Variants in FBXO4 observed in about 807,000 individuals in gnomAD.
FBXO4 encodes the protein F-box protein 4, also known as F-box only protein 4.
A neutral mutation model predicts 43.7 loss-of-function variants in FBXO4; 36 were observed. That is an observed-to-expected ratio of 0.82 (90% confidence interval 0.63 to 1.09). FBXO4 has a LOEUF of 1.09. FBXO4 is among the 50% of genes least tolerant of loss of function. The probability of loss-of-function intolerance (pLI) is 0.00; values close to 1 mark genes in which losing one functional copy is unlikely to be tolerated. For missense variants in FBXO4, 435 were observed against 474.1 expected, an observed-to-expected ratio of 0.92 and a Z score of 0.77; for synonymous variants, 180 against 165.6, an observed-to-expected ratio of 1.09 and a Z score of -0.67.
the FBXO4 span, among the ~76,000 whole-genome samples, chr5:41,994,492 A>G: frequency 6.6e-6 from 1 of 151,894 alleles, no homozygotes; most frequent in Non-Finnish European, 1.5e-5. Flanking sequence ...TTTTTTCCTG[A>G]TGGAGTGACC....
At chr5:41,982,730 T>C in the FBXO4 span, among the ~76,000 whole-genome samples, 1 of 152,146 alleles carries the variant, frequency 6.6e-6, no homozygotes, top group Non-Finnish European at 1.5e-5. Context: ...TTATTATTAT[T>C]ATTATACTTT....
At chr5:41,989,798 C>T in the FBXO4 span, among the ~76,000 whole-genome samples, 3 of 152,140 alleles carry the variant, frequency 2.0e-5, no homozygotes, top group South Asian at 2.1e-4. Flanking sequence ...AAACATTCCA[C>T]CTTAGATTCA....
intron 1 of FBXO4, 59 bp from the exon 2 acceptor site, chr5:41,926,954 T>C: frequency 9.7e-7 from 1 of 1,031,274 alleles, no homozygotes; most frequent in Non-Finnish European, 1.4e-6. Flanking sequence ...ATGTGGTTTA[T>C]CACCCAAAAA....
chr5:41,930,087 A>T (rs192515595), intron 3 of FBXO4, 170 bp downstream of exon 3: 2 of 558,386 alleles, frequency 3.6e-6, no homozygotes, highest in East Asian at 5.9e-5. Context: ...TTTACTTACT[A>T]TAAGAAAGCT....
At chr5:42,001,429 G>T in the FBXO4 span, among the ~76,000 whole-genome samples, 1 of 152,056 alleles carries the variant, frequency 6.6e-6, no homozygotes, top group Admixed American at 6.5e-5. Context: ...ACGGGGTTTC[G>T]CCATGTTGGC....
chr5:42,024,980 T>G, the FBXO4 span, among the ~76,000 whole-genome samples: 1 of 152,120 alleles, frequency 6.6e-6, no homozygotes, highest in Non-Finnish European at 1.5e-5. Flanking sequence ...CTTCCAAATC[T>G]TAGCTATTGT....
chr5:42,018,219 A>G, the FBXO4 span, among the ~76,000 whole-genome samples: 3 of 151,124 alleles, frequency 2.0e-5, no homozygotes, highest in East Asian at 5.8e-4. Context: ...TTCTCCCATG[A>G]TAAACTCTAG....
At chr5:41,976,616 A>C in the FBXO4 span, among the ~76,000 whole-genome samples, 2 of 152,186 alleles carry the variant, frequency 1.3e-5, no homozygotes, top group East Asian at 3.8e-4. Flanking sequence ...CACTGGTGCA[A>C]GGTGTGGGTT....
the FBXO4 span, among the ~76,000 whole-genome samples, chr5:42,018,102 A>G: frequency 6.6e-6 from 1 of 150,444 alleles, no homozygotes; most frequent in Non-Finnish European, 1.5e-5. Flanking sequence ...GATAAAAAGG[A>G]ACATAATGAA....
At chr5:41,965,375 T>C in the FBXO4 span, among the ~76,000 whole-genome samples, 4 of 152,210 alleles carry the variant, frequency 2.6e-5, no homozygotes, top group African/African-American at 9.7e-5. Context: ...GGGCTCTTTT[T>C]TGGTTCCATA....
chr5:42,032,824 A>G, the FBXO4 span, among the ~76,000 whole-genome samples: 4 of 152,168 alleles, frequency 2.6e-5, no homozygotes, highest in African/African-American at 9.7e-5. Context: ...TAGCCACTAC[A>G]GCTGGCACTG....
chr5:41,936,340 C>A (rs1209080724), intron 5 of FBXO4, among the ~76,000 whole-genome samples: 1 of 152,108 alleles, frequency 6.6e-6, no homozygotes, highest in African/African-American at 2.4e-5. Context: ...TGACACCAGC[C>A]TGGGCAACAT....
chr5:42,010,461 T>C, the FBXO4 span, among the ~76,000 whole-genome samples: 1 of 151,658 alleles, frequency 6.6e-6, no homozygotes, highest in East Asian at 1.9e-4. Flanking sequence ...TGAGCTGAGA[T>C]TGCACCACTG....
the FBXO4 span, among the ~76,000 whole-genome samples, chr5:42,037,537 C>T: frequency 6.6e-6 from 1 of 152,066 alleles, no homozygotes; most frequent in Non-Finnish European, 1.5e-5. Context: ...CTCTGACCCA[C>T]GTCCTCATAG....
the FBXO4 span, among the ~76,000 whole-genome samples, chr5:42,008,462 G>C: frequency 7.9e-5 from 12 of 152,186 alleles, no homozygotes; most frequent in African/African-American, 2.9e-4. Flanking sequence ...ATGCACCATG[G>C]ATCCTTGTCC....
chr5:41,929,613 C>A, intron 2 of FBXO4, 84 bp from the exon 3 acceptor site: 1 of 964,932 alleles, frequency 1.0e-6, no homozygotes, highest in Non-Finnish European at 1.6e-6. Context: ...TTGTGTCTAG[C>A]AAGTACTCAA....
At chr5:41,974,572 C>T in the FBXO4 span, among the ~76,000 whole-genome samples, 1 of 152,210 alleles carries the variant, frequency 6.6e-6, no homozygotes, top group Admixed American at 6.5e-5. Context: ...TGCTTTGTCA[C>T]TGTTATTGTG....
At chr5:41,999,437 A>G in the FBXO4 span, among the ~76,000 whole-genome samples, 1 of 132,148 alleles carries the variant, frequency 7.6e-6, no homozygotes, top group Non-Finnish European at 1.6e-5. Flanking sequence ...TATATAAAAT[A>G]TATATGTGAG....
At chr5:41,957,539 C>G in the FBXO4 span, among the ~76,000 whole-genome samples, 1 of 150,190 alleles carries the variant, frequency 6.7e-6, no homozygotes, top group African/African-American at 2.4e-5. Context: ...CATAATGAAT[C>G]CATCAACATA....
Sources: allele counts gnomAD v4.1 joint callset (sites outside exome capture counted in the v4.1 genomes callset), GRCh38; gene constraint gnomAD v4.1.1; transcripts MANE v1.5; gene names NCBI Gene and HGNC (gene_info 2026-07-23, HGNC 2026-07-21).